DNMT3A: variants seen among roughly 807,000 people sequenced by gnomAD.
The protein encoded by DNMT3A is DNA (cytosine-5)-methyltransferase 3A.
A neutral mutation model predicts 117.6 loss-of-function variants in DNMT3A; 267 were observed. The ratio of observed to expected loss-of-function variants is 2.27; its 90% CI spans 2.05 to 2.51. DNMT3A has a LOEUF of 2.51. Among genes scored for constraint, DNMT3A ranks in the 30% most tolerant of loss-of-function variants. The probability of loss-of-function intolerance (pLI) is 0.00; values close to 1 mark genes in which losing one functional copy is unlikely to be tolerated. For missense variants in DNMT3A, 1,029 were observed against 1,260.2 expected (o/e 0.82, Z 2.78); for synonymous variants, 432 against 474.8 (o/e 0.91, Z 1.17).
intron 1 of DNMT3A, among the ~76,000 whole-genome samples, chr2:25,329,306 C>T (rs2034919507): frequency 1.3e-5 from 2 of 152,052 alleles, no homozygotes; most frequent in South Asian, 2.1e-4. Flanking sequence ...AGTTGTAAAG[C>T]GGGGTGAGAA....
In DNMT3A at chr2:25,293,933, A is replaced by C. The variant is rs1350439428; in HGVS notation, c.177+6206T>G. Among the ~76,000 whole-genome samples, 1 of 152,208 alleles carries C rather than the reference A, an allele frequency of 6.6e-6. No individual in the cohort carries two copies. The highest frequency in any genetic ancestry group is 2.4e-5 in the African/African-American group (1 of 41,450). On this transcript the variant is annotated intron_variant, in intron 3 of 22. Coordinates refer to ENST00000321117, the MANE Select transcript of DNMT3A (RefSeq NM_022552.5). This position sits in a 1 kb window ranked among gnomAD's most constrained non-coding sequence, Gnocchi z 4.7. ...TGATCCACCTGCCTCAGCCTCTCAA[A>C]GTGGTGGGATTACAGGTGTGAGCCA...
rs550116435 is a variant in DNMT3A, at chr2:25,263,861, C to T, written c.639+11080G>A. On this transcript the variant is annotated intron_variant, in intron 6 of 22. Coordinates refer to ENST00000321117, the MANE Select transcript of DNMT3A (RefSeq NM_022552.5). Reference sequence around the variant, plus strand: ...CGGTACACTGCCTCTCCCTAGGCACCGCCTTCCCTGAGGCCCTTAGGCAGG... The same window carrying T: ...CGGTACACTGCCTCTCCCTAGGCACTGCCTTCCCTGAGGCCCTTAGGCAGG... 8.5e-5 allele frequency among the ~76,000 whole-genome samples: 13 copies of T among 152,326 alleles called. No individual in the cohort carries two copies. In the East Asian group the frequency reaches 1.7e-3, roughly 20 times the overall value.
intron 2 of DNMT3A, among the ~76,000 whole-genome samples, chr2:25,302,743 T>C (rs2033589483): frequency 6.6e-6 from 1 of 152,136 alleles, no homozygotes; most frequent in Non-Finnish European, 1.5e-5. Context: ...AGCTTAGTAT[T>C]TGTGAAGGTT....
chr2:25,230,133 C>A lies in DNMT3A; in HGVS notation c.*4146G>T, dbSNP rs1473850389. Reference sequence around the variant, plus strand: ...GTGCTCTCTTGGAAAGTTTGCTTTCCAATAGGATGTTCAATAGCAAGAAGT... The same window carrying A: ...GTGCTCTCTTGGAAAGTTTGCTTTCAAATAGGATGTTCAATAGCAAGAAGT... On this transcript the variant is annotated 3_prime_UTR_variant, in exon 23 of 23. Coordinates refer to ENST00000321117, the MANE Select transcript of DNMT3A (RefSeq NM_022552.5). 1 of 152,226 alleles carries A rather than the reference C, an allele frequency of 6.6e-6. No homozygotes were observed. Among genetic ancestry groups the A allele is most frequent in the Non-Finnish European group, 1.5e-5 (1 of 68,052 alleles). 9.4% of individuals were successfully genotyped at this position (152,226 alleles called of 1,614,324 possible).
At chr2:25,283,445 C>G (rs1002470438) in intron 3 of DNMT3A, among the ~76,000 whole-genome samples, 1 of 151,914 alleles carries the variant, frequency 6.6e-6, no homozygotes, top group East Asian at 1.9e-4. Flanking sequence ...CCAGTGCCAC[C>G]AGATCAAGTC....
chr2:25,314,612 G>C (rs2034293591), intron 1 of DNMT3A: 1 of 985,304 alleles, frequency 1.0e-6, no homozygotes, highest in Non-Finnish European at 1.2e-6. Flanking sequence ...CGTGGAGGAA[G>C]TGAGTGCAGT....
At chr2:25,246,583 G>C (rs369392027) in intron 10 of DNMT3A, 37 bp downstream of exon 10, 1 of 1,590,960 alleles carries the variant, frequency 6.3e-7, no homozygotes, top group Non-Finnish European at 8.6e-7. Flanking sequence ...TCTGCCTGGC[G>C]GGCAGGGGTC....
chr2:25,241,725 C>G lies in DNMT3A; in HGVS notation c.1937-18G>C. 1 of 1,612,260 alleles carries G rather than the reference C, an allele frequency of 6.2e-7. No homozygotes were observed. On this transcript the variant is annotated intron_variant, in intron 16 of 22. Transcript: ENST00000321117. Reference sequence around the variant, plus strand: ...CAGGAGCCCTGCACCAGCCAGCAGACAGCACCGTTACTTGGAGCCATCTCC... The same window carrying G: ...CAGGAGCCCTGCACCAGCCAGCAGAGAGCACCGTTACTTGGAGCCATCTCC...
chr2:25,295,346 G>A (rs2033027004), intron 3 of DNMT3A, among the ~76,000 whole-genome samples: 1 of 152,232 alleles, frequency 6.6e-6, no homozygotes, highest in Admixed American at 6.5e-5. Flanking sequence ...CTGCCCTGCA[G>A]CTGACTTCCT....
At chr2:25,321,779 G>C (rs934665394) in intron 1 of DNMT3A, among the ~76,000 whole-genome samples, 1 of 152,198 alleles carries the variant, frequency 6.6e-6, no homozygotes, top group African/African-American at 2.4e-5. Flanking sequence ...CCAGCTACTC[G>C]AGAGGCTGAT....
At chr2:25,258,919 A>T (rs974518487) in intron 6 of DNMT3A, among the ~76,000 whole-genome samples, 4 of 152,158 alleles carry the variant, frequency 2.6e-5, no homozygotes, top group African/African-American at 9.7e-5. Context: ...CTCTAGATGA[A>T]TTCTTCTAAA....
intron 6 of DNMT3A, chr2:25,249,683 G>C (rs151168784): frequency 6.2e-7 from 1 of 1,614,130 alleles, no homozygotes; most frequent in Non-Finnish European, 8.5e-7. Flanking sequence ...TTCAGGCTAC[G>C]ATCCACGCGC....
intron 1 of DNMT3A, among the ~76,000 whole-genome samples, chr2:25,332,919 G>GT (rs2035069102): frequency 6.6e-6 from 1 of 152,244 alleles, no homozygotes; most frequent in Non-Finnish European, 1.5e-5. Flanking sequence ...CAGGCCGTGG[G>GT]GCAGAGCCAG....
intron 16 of DNMT3A, among the ~76,000 whole-genome samples, chr2:25,243,091 G>A (rs1674275842): frequency 6.6e-6 from 1 of 152,144 alleles, no homozygotes; most frequent in African/African-American, 2.4e-5. Context: ...CGGATCACAA[G>A]GTCAAGAGAT....
rs1287022880 is a variant in DNMT3A at position 25,236,980 on chromosome 2, T to TA, written c.2433dup (p.Lys812Ter). Reference sequence around the variant, plus strand: ...TCCAGACACTCCTGCAGCTCCAGCTTATCATTCACAGTGGATGCCAACGGC... The same window carrying TA: ...TCCAGACACTCCTGCAGCTCCAGCTTAATCATTCACAGTGGATGCCAACGGC... On this transcript the variant is annotated frameshift_variant, in exon 21 of 23. Coordinates refer to ENST00000321117, the MANE Select transcript of DNMT3A (RefSeq NM_022552.5). LOFTEE classifies it high-confidence loss of function. The surrounding 1 kb of genome is among the most constrained non-coding windows in gnomAD (Gnocchi z 4.5). The TA allele has an allele frequency of 6.2e-7, 1 of 1,613,694 alleles. No homozygotes were observed. Among genetic ancestry groups the TA allele is most frequent in the South Asian group, 1.1e-5 (1 of 90,982 alleles).
At chr2:25,245,984 A>G (rs372995572) in intron 12 of DNMT3A, 36 bp downstream of exon 12, 1 of 1,613,608 alleles carries the variant, frequency 6.2e-7, no homozygotes, top group South Asian at 1.1e-5. Flanking sequence ...CCCATGCCAC[A>G]CTAGGAGTGC....
At position 25,246,671 on chromosome 2, in the gene DNMT3A, C is replaced by T. The variant is rs764880874; in HGVS notation, c.1228G>A (p.Ala410Thr). The change falls in exon 10 of 23, where the codon GCC (alanine) becomes ACC (threonine). Residue 410 changes from alanine to threonine, a missense_variant. Physicochemically the swap from Ala to Thr is moderately conservative, Grantham distance 58 (BLOSUM62 0). Transcript: ENST00000321117. ...EVQNKPMIEWALGGFQPSGPK... is the reference protein window; with the variant it reads ...EVQNKPMIEWTLGGFQPSGPK... ...CCAGAAGGCTGGAAGCCCCCCAGGG[C>T]CCATTCAATCATGGGCTTGTTCTGC... is the stretch of plus-strand genomic sequence containing the variant. The T allele has an allele frequency of 3.1e-6, 5 of 1,613,612 alleles. No individual in the cohort carries two copies. The highest frequency in any genetic ancestry group is 1.7e-5 in the Admixed American group (1 of 60,024).
chr2:25,264,926 G>A (rs890793075), intron 6 of DNMT3A, among the ~76,000 whole-genome samples: 8 of 152,222 alleles, frequency 5.3e-5, no homozygotes, highest in South Asian at 2.1e-4. Context: ...CCAACCTGCC[G>A]TGATGGAATT....
Position 25,275,010 on chromosome 2 carries a change from G to C in DNMT3A, c.570C>G (p.Phe190Leu). Residue 190 changes from phenylalanine to leucine, a missense_variant, in exon 6 of 23, where the codon TTC becomes TTG. Coordinates refer to ENST00000321117, the MANE Select transcript of DNMT3A (RefSeq NM_022552.5). ...TGATGTAGTAGGGGTCCCCCGCCTG[G>C]AAGGTGAGCCTCGGCATGGGCCGCT... is the stretch of plus-strand genomic sequence containing the variant. ...LRQRPMPRLT[F>L]QAGDPYYISK... 6.2e-7 allele frequency: 1 copy of C among 1,613,424 alleles called. No individual in the cohort carries two copies.
Sources: allele counts gnomAD v4.1 joint callset (sites outside exome capture counted in the v4.1 genomes callset), GRCh38; gene constraint gnomAD v4.1.1; non-coding constraint Gnocchi (gnomAD v3.1); transcripts MANE v1.5; gene names NCBI Gene and HGNC (gene_info 2026-07-23, HGNC 2026-07-21).